Variants in SDK1 observed in about 807,000 individuals in gnomAD.
The protein encoded by SDK1 is sidekick cell adhesion molecule 1, also known as protein sidekick-1.
In SDK1, 157 loss-of-function variants were observed where a neutral mutation model predicts 245.5. The observed-to-expected ratio is 0.64, with a 90% CI of 0.56 to 0.73. SDK1 has a LOEUF of 0.73. Ranked by LOEUF, SDK1 falls within the 30% of genes least tolerant of loss-of-function variation. The pLI, the probability that SDK1 is intolerant of heterozygous loss-of-function variation, is 0.00. For missense variants in SDK1, 3,583 were observed against 3,002.3 expected (o/e 1.19, Z -4.52); for synonymous variants, 1,647 against 1,278.5 (o/e 1.29, Z -6.15).
intron 25 of SDK1, among the ~76,000 whole-genome samples, chr7:4,123,906 A>T (rs954310839): frequency 6.6e-6 from 1 of 152,172 alleles, no homozygotes; most frequent in Non-Finnish European, 1.5e-5. Flanking sequence ...GGCTCTCAGG[A>T]TCAGGGAGCG....
chr7:3,376,998 C>T (rs1448012741), intron 1 of SDK1, among the ~76,000 whole-genome samples: 4 of 152,054 alleles, frequency 2.6e-5, no homozygotes, highest in Non-Finnish European at 5.9e-5. Context: ...TTAATTTTAA[C>T]TTCCTTGTTG....
chr7:4,133,683 G>A (rs1220839999), intron 28 of SDK1, among the ~76,000 whole-genome samples: 1 of 152,192 alleles, frequency 6.6e-6, no homozygotes, highest in African/African-American at 2.4e-5. Context: ...GCCGGGTCTT[G>A]AGCTACTGTG....
intron 1 of SDK1, among the ~76,000 whole-genome samples, chr7:3,430,134 A>G (rs563477614): frequency 4.6e-5 from 7 of 152,180 alleles, no homozygotes; most frequent in Admixed American, 6.5e-5. Flanking sequence ...CTGTGTTTAC[A>G]TCTGTGCAAG....
intron 1 of SDK1, among the ~76,000 whole-genome samples, chr7:3,477,077 G>A (rs1475942588): frequency 6.6e-6 from 1 of 151,306 alleles, no homozygotes; most frequent in African/African-American, 2.4e-5. Flanking sequence ...ACCTTCCTCT[G>A]TACTTTGGAA....
chr7:3,969,439 T>C lies in SDK1; in HGVS notation c.1714+15T>C. The C allele has an allele frequency of 6.6e-7, 1 of 1,521,998 alleles. No individual in the cohort carries two copies. Among genetic ancestry groups the C allele is most frequent in the Non-Finnish European group, 8.9e-7 (1 of 1,127,544 alleles). 94.3% of individuals were successfully genotyped at this position (1,521,998 alleles called of 1,614,324 possible). On this transcript the variant is annotated intron_variant, in intron 11 of 44. Transcript: ENST00000404826. ...CACTGTGTGGAGTAAGGAGCAGCCC[T>C]CGCACGTCGGCCTTCTGTTAGCCAC...
chr7:3,410,440 A>G (rs535709640), intron 1 of SDK1, among the ~76,000 whole-genome samples: 6 of 152,186 alleles, frequency 3.9e-5, no homozygotes, highest in Middle Eastern at 6.8e-3. Context: ...TCAGAAATCA[A>G]TCACTTCTGG....
intron 1 of SDK1, among the ~76,000 whole-genome samples, chr7:3,396,046 G>C (rs1781888177): frequency 6.6e-6 from 1 of 151,674 alleles, no homozygotes; most frequent in Non-Finnish European, 1.5e-5. Flanking sequence ...TGAATTCTTA[G>C]ATTATTGATT....
intron 25 of SDK1, among the ~76,000 whole-genome samples, chr7:4,121,164 GTTGT>G (rs1382782745): frequency 6.6e-6 from 1 of 152,030 alleles, no homozygotes; most frequent in East Asian, 1.9e-4. Flanking sequence ...CTCTAGCGAT[GTTGT>G]TTATTTTTGT....
intron 4 of SDK1, among the ~76,000 whole-genome samples, chr7:3,789,909 G>T (rs1781027844): frequency 6.6e-6 from 1 of 151,002 alleles, no homozygotes. Flanking sequence ...GACAGGCTGT[G>T]TTGGGGGGTT....
intron 1 of SDK1, among the ~76,000 whole-genome samples, chr7:3,491,260 G>GTTGTA (rs1376663830): frequency 6.6e-6 from 1 of 152,214 alleles, no homozygotes; most frequent in Non-Finnish European, 1.5e-5. Flanking sequence ...CCTGTGCTGC[G>GTTGTA]TTGTATTGTA....
intron 4 of SDK1, among the ~76,000 whole-genome samples, chr7:3,710,427 C>G (rs1785015898): frequency 6.6e-6 from 1 of 152,110 alleles, no homozygotes; most frequent in Admixed American, 6.5e-5. Context: ...TCTGGTTATT[C>G]TTTATTAAAG....
Position 4,245,693 on chromosome 7 carries a change from G to T in SDK1, c.6269G>T (p.Ser2090Ile). The T allele has an allele frequency of 6.2e-7, 1 of 1,614,000 alleles. No individual in the cohort carries two copies. The highest frequency in any genetic ancestry group is 2.2e-5 in the East Asian group (1 of 44,848). ...CATCCTAGGTCCCCACCCCGGCCTA[G>T]CCCCGGCGGCCTGCACTACTCAGAC... ...KNGTRSPPRP[S>I]PGGLHYSDED... is the part of the protein sequence containing the mutation. The change falls in exon 44 of 45, where the codon AGC becomes ATC. Residue 2090 changes from serine (S) to isoleucine (I), a missense_variant. By Grantham distance (142) the Ser-to-Ile change is moderately radical. Transcript: ENST00000404826.
intron 1 of SDK1, among the ~76,000 whole-genome samples, chr7:3,401,711 A>T (rs2128573584): frequency 6.6e-6 from 1 of 151,660 alleles, no homozygotes; most frequent in South Asian, 2.1e-4. Context: ...TATTATGGAG[A>T]TAATGCTACT....
At chr7:3,429,990 C>T (rs796854525) in intron 1 of SDK1, among the ~76,000 whole-genome samples, 14 of 152,318 alleles carry the variant, frequency 9.2e-5, no homozygotes, top group African/African-American at 3.1e-4. Flanking sequence ...TCTTTCTGTG[C>T]TATTTAAAAT....
chr7:3,819,349 G>A (rs1339934857), intron 4 of SDK1, among the ~76,000 whole-genome samples: 1 of 151,530 alleles, frequency 6.6e-6, no homozygotes, highest in Non-Finnish European at 1.5e-5. Context: ...TTATCTTTAT[G>A]TACCTTTTTA....
intron 1 of SDK1, among the ~76,000 whole-genome samples, chr7:3,314,664 C>T (rs778542008): frequency 6.6e-6 from 1 of 152,184 alleles, no homozygotes; most frequent in East Asian, 1.9e-4. Context: ...AGGCCATCTG[C>T]ATCTCTAACT....
intron 1 of SDK1, among the ~76,000 whole-genome samples, chr7:3,504,102 A>T (rs970096699): frequency 1.3e-5 from 2 of 151,914 alleles, no homozygotes; most frequent in East Asian, 3.9e-4. Flanking sequence ...GTGAGCCAAG[A>T]TCGCGCCATT....
intron 4 of SDK1, among the ~76,000 whole-genome samples, chr7:3,716,702 T>G (rs1785210573): frequency 1.3e-5 from 2 of 148,638 alleles, no homozygotes. Context: ...AGTGCTGCAG[T>G]GAGCTATTAC....
At chr7:3,429,952 T>C (rs1039821311) in intron 1 of SDK1, among the ~76,000 whole-genome samples, 2 of 152,198 alleles carry the variant, frequency 1.3e-5, no homozygotes, top group Non-Finnish European at 2.9e-5. Flanking sequence ...AGCCTATCCG[T>C]ATGTGTCTCT....
Sources: allele counts gnomAD v4.1 joint callset (sites outside exome capture counted in the v4.1 genomes callset), GRCh38; gene constraint gnomAD v4.1.1; transcripts MANE v1.5; gene names NCBI Gene and HGNC (gene_info 2026-07-23, HGNC 2026-07-21).